Variants in LHPP observed in about 807,000 individuals in gnomAD.
LHPP encodes the protein hLHPP.
Under a neutral mutation model 30.3 loss-of-function variants are expected in LHPP, and 24 were observed. The ratio of observed to expected loss-of-function variants is 0.79; its 90% CI spans 0.57 to 1.11. The LOEUF (loss-of-function observed/expected upper bound fraction) is 1.11, where lower values mean the gene tolerates loss of function less well. Among genes scored for constraint, LHPP ranks in the 50% most tolerant of loss-of-function variants. The probability of loss-of-function intolerance (pLI) is 0.00; values close to 1 mark genes in which losing one functional copy is unlikely to be tolerated. For missense variants in LHPP, 356 were observed against 367.2 expected (o/e 0.97, Z 0.25); for synonymous variants, 150 against 157.1 (o/e 0.95, Z 0.34).
At chr10:124,498,738 T>C in intron 5 of LHPP, 1 of 465,500 alleles carries the variant, frequency 2.1e-6, no homozygotes, top group Non-Finnish European at 4.2e-6. Flanking sequence ...GGCACAGTCA[T>C]GGCTCACTGC....
intron 6 of LHPP, among the ~76,000 whole-genome samples, chr10:124,545,427 C>T (rs1366280602): frequency 1.3e-5 from 2 of 152,358 alleles, no homozygotes; most frequent in East Asian, 1.9e-4. Flanking sequence ...TGCTGGCGGC[C>T]CCTGCAGCGG....
intron 6 of LHPP, among the ~76,000 whole-genome samples, chr10:124,538,215 G>A (rs994327827): frequency 1.3e-5 from 2 of 152,172 alleles, no homozygotes; most frequent in South Asian, 2.1e-4. Flanking sequence ...GTCACCATGC[G>A]GGGCTCACCA....
chr10:124,474,132 CTTT>C (rs544464876), intron 1 of LHPP, among the ~76,000 whole-genome samples: 261 of 71,868 alleles, frequency 3.6e-3, no homozygotes, highest in Non-Finnish European at 5.5e-3. Context: ...TTGCTTTGCC[CTTT>C]TTTTTTTTTT....
intron 6 of LHPP, among the ~76,000 whole-genome samples, chr10:124,600,281 C>T (rs536575532): frequency 2.0e-5 from 3 of 152,368 alleles, no homozygotes; most frequent in Admixed American, 2.0e-4. Context: ...GCTTTTGTTT[C>T]TGTTACTGGC....
Position 124,590,019 on chromosome 10 carries a change from C to A in LHPP, c.717-23245C>A, listed in dbSNP as rs540489762. On this transcript the variant is annotated intron_variant, in intron 6 of 6. Transcript: ENST00000368842. The surrounding 1 kb of genome is among the most constrained non-coding windows in gnomAD (Gnocchi z 4.3). ...CAGGAAAGTTCTCTCCATCCCACCA[C>A]TCCACCGCCCCCCGCCCTTAGAAAA... Among the ~76,000 whole-genome samples, 2 of 152,356 alleles carry A rather than the reference C, an allele frequency of 1.3e-5. No homozygotes were observed. The highest frequency in any genetic ancestry group is 2.9e-5 in the Non-Finnish European group (2 of 68,030).
intron 1 of LHPP, among the ~76,000 whole-genome samples, chr10:124,474,914 C>T (rs924594844): frequency 1.3e-5 from 2 of 152,158 alleles, no homozygotes; most frequent in Non-Finnish European, 2.9e-5. Flanking sequence ...CTGGCTTCCT[C>T]TCAGAATGTA....
chr10:124,522,457 C>T (rs1436826277), intron 6 of LHPP, among the ~76,000 whole-genome samples: 1 of 152,180 alleles, frequency 6.6e-6, no homozygotes, highest in African/African-American at 2.4e-5. Flanking sequence ...GTCCTGCAGC[C>T]CCAGAGGGTG....
Position 124,590,817 on chromosome 10 carries a change from G to T in LHPP, c.717-22447G>T, listed in dbSNP as rs1948874293. 6.6e-6 allele frequency among the ~76,000 whole-genome samples: 1 copy of T among 152,216 alleles called. No individual in the cohort carries two copies. The highest frequency in any genetic ancestry group is 2.4e-5 in the African/African-American group (1 of 41,462). ...AAAACAAAGACTAGATAATTAGAGT[G>T]CACACTTGGAGGGACAGGATGGCTT... On this transcript the variant is annotated intron_variant, in intron 6 of 6. Transcript: ENST00000368842. This position sits in a 1 kb window ranked among gnomAD's most constrained non-coding sequence, Gnocchi z 4.3.
At chr10:124,546,671 A>T (rs1305911924) in intron 6 of LHPP, among the ~76,000 whole-genome samples, 1 of 151,314 alleles carries the variant, frequency 6.6e-6, no homozygotes, top group South Asian at 2.1e-4. Flanking sequence ...CAGCCTCCCA[A>T]AGTGCTGGAA....
At chr10:124,548,995 G>A in intron 6 of LHPP, among the ~76,000 whole-genome samples, 1 of 152,216 alleles carries the variant, frequency 6.6e-6, no homozygotes, top group Non-Finnish European at 1.5e-5. Context: ...TACATGCATG[G>A]CAAAACACTT....
intron 6 of LHPP, among the ~76,000 whole-genome samples, chr10:124,540,532 C>T (rs1955156517): frequency 6.6e-6 from 1 of 152,210 alleles, no homozygotes; most frequent in Admixed American, 6.5e-5. Flanking sequence ...TGCTCCTGGC[C>T]CCACTGGCCT....
chr10:124,512,344 C>T (rs949533557), intron 5 of LHPP, among the ~76,000 whole-genome samples: 2 of 152,084 alleles, frequency 1.3e-5, no homozygotes, highest in Non-Finnish European at 1.5e-5. Flanking sequence ...AGGCCGGGCG[C>T]GGTGGCTCAC....
chr10:124,469,810 G>A (rs1533415), intron 1 of LHPP, among the ~76,000 whole-genome samples: 8,768 of 152,194 alleles, frequency 0.058, 410 homozygotes, highest in Non-Finnish European at 0.093. Context: ...GCGTGCACTC[G>A]GGAAGGCTAG....
rs1949224468 is a variant in LHPP at position 124,613,203 on chromosome 10, G to C, written c.717-61G>C. The C allele has an allele frequency of 3.3e-6, 4 of 1,221,152 alleles. No individual in the cohort carries two copies. The South Asian group carries it at 4.8e-5, about 15-fold the overall frequency. 75.6% of individuals were successfully genotyped at this position (1,221,152 alleles called of 1,614,324 possible). A position where few individuals can be genotyped will look rare whatever the true frequency, so the allele number is the denominator to read the frequency against. ...GGCCCATGTTAGATGCTGGGAGGGT[G>C]GGTGTGGCTGCAGAGGGGTCAGCGT... On this transcript the variant is annotated intron_variant, in intron 6 of 6. Coordinates refer to ENST00000368842, the MANE Select transcript of LHPP (RefSeq NM_022126.4).
chr10:124,539,527 A>G (rs1955123304), intron 6 of LHPP, among the ~76,000 whole-genome samples: 1 of 152,078 alleles, frequency 6.6e-6, no homozygotes, highest in Non-Finnish European at 1.5e-5. Flanking sequence ...TTGGGAGGCC[A>G]AGGAGAGCGG....
At chr10:124,547,831 T>C (rs1186420245) in intron 6 of LHPP, among the ~76,000 whole-genome samples, 1 of 152,244 alleles carries the variant, frequency 6.6e-6, no homozygotes, top group African/African-American at 2.4e-5. Flanking sequence ...TCAGTGTCGG[T>C]TATCAGCTGT....
Position 124,517,050 on chromosome 10 carries a change from C to A in LHPP, c.625-130C>A. Reference sequence around the variant, plus strand: ...TTAATCAATACGATGACAATATTATCTTGTTTAATTTGTATGATGGTGGTT... The same window carrying A: ...TTAATCAATACGATGACAATATTATATTGTTTAATTTGTATGATGGTGGTT... On this transcript the variant is annotated intron_variant, in intron 5 of 6. Transcript: ENST00000368842. This position sits in a 1 kb window ranked among gnomAD's most constrained non-coding sequence, Gnocchi z 4.1. The A allele has an allele frequency of 1.6e-6, 1 of 609,738 alleles. No individual in the cohort carries two copies. Among genetic ancestry groups the A allele is most frequent in the African/African-American group, 1.9e-5 (1 of 53,752 alleles). The allele number at this position is 609,738 out of a possible 1,614,324, so 37.8% of individuals were successfully genotyped here.
intron 1 of LHPP, among the ~76,000 whole-genome samples, chr10:124,468,110 A>G (rs532088077): frequency 9.5e-4 from 144 of 152,278 alleles, no homozygotes; most frequent in African/African-American, 3.3e-3. Context: ...CTTCTCTAAC[A>G]GCTTATTTTG....
chr10:124,569,926 C>G (rs957366888), intron 6 of LHPP, among the ~76,000 whole-genome samples: 1 of 152,190 alleles, frequency 6.6e-6, no homozygotes, highest in Non-Finnish European at 1.5e-5. Flanking sequence ...AACATTCCAG[C>G]ACCCAGAAGT....
Sources: gnomAD v4.1 joint callset for allele counts (sites outside exome capture counted in the v4.1 genomes callset) on GRCh38, gnomAD v4.1.1 for gene constraint, Gnocchi (gnomAD v3.1) non-coding constraint, MANE v1.5 for transcripts, NCBI Gene and HGNC (gene_info 2026-07-23, HGNC 2026-07-21) for gene names.